The following GRIK4 variants were observed in gnomAD, a reference collection of about 807,000 sequenced individuals.
The protein encoded by GRIK4 is glutamate ionotropic receptor kainate type subunit 4.
Under a neutral mutation model 104.9 loss-of-function variants are expected in GRIK4, and 40 were observed. The observed-to-expected ratio is 0.38, with a 90% CI of 0.30 to 0.50. The LOEUF is 0.50. Ranked by LOEUF, GRIK4 falls within the 20% of genes least tolerant of loss-of-function variation. GRIK4 has a pLI of 0.93. For missense variants in GRIK4, 1,047 were observed against 1,308.1 expected (o/e 0.80, Z 3.08); for synonymous variants, 485 against 524.9 (o/e 0.92, Z 1.04).
At chr11:120,661,216 C>T (rs80251803) in intron 3 of GRIK4, among the ~76,000 whole-genome samples, 7,499 of 152,038 alleles carry the variant, frequency 0.049, 559 homozygotes, top group African/African-American at 0.16. Flanking sequence ...TGTGGGGTGT[C>T]GGGGATCAGG....
At chr11:120,924,802 C>A (rs1180488757) in intron 13 of GRIK4, among the ~76,000 whole-genome samples, 1 of 152,184 alleles carries the variant, frequency 6.6e-6, no homozygotes, top group African/African-American at 2.4e-5. Context: ...AGTGGGACAC[C>A]TCTCAGAAAA....
intron 8 of GRIK4, among the ~76,000 whole-genome samples, chr11:120,849,379 C>T (rs965895878): frequency 6.6e-6 from 1 of 152,252 alleles, no homozygotes; most frequent in African/African-American, 2.4e-5. Flanking sequence ...CCTTGACCCT[C>T]TATCACAAAG....
chr11:120,945,730 T>C (rs927079140), intron 14 of GRIK4, among the ~76,000 whole-genome samples: 1 of 152,252 alleles, frequency 6.6e-6, no homozygotes, highest in African/African-American at 2.4e-5. Context: ...TCAGGCAGCC[T>C]AGATGCAGCC....
At chr11:120,618,901 A>G (rs935583772) in intron 1 of GRIK4, among the ~76,000 whole-genome samples, 5 of 152,196 alleles carry the variant, frequency 3.3e-5, no homozygotes, top group Admixed American at 6.5e-5. Context: ...GAGAACCTCT[A>G]CGAGGGCAGC....
At chr11:120,854,691 A>C (rs1254841680) in intron 8 of GRIK4, among the ~76,000 whole-genome samples, 1 of 152,226 alleles carries the variant, frequency 6.6e-6, no homozygotes, top group Admixed American at 6.5e-5. Context: ...ATTACTTCTA[A>C]TAATACTAAT....
At chr11:120,721,750 T>G (rs970559058) in intron 3 of GRIK4, among the ~76,000 whole-genome samples, 2 of 152,152 alleles carry the variant, frequency 1.3e-5, no homozygotes, top group Non-Finnish European at 2.9e-5. Context: ...TTGGTTGGTT[T>G]GTTCTCAGAA....
intron 11 of GRIK4, chr11:120,894,750 C>G (rs896499613): frequency 1.3e-5 from 2 of 152,280 alleles, no homozygotes; most frequent in Non-Finnish European, 1.5e-5. Context: ...AGGGATTTGG[C>G]CGGAGGCAGA....
rs981703574 is a variant in GRIK4 at position 120,531,435 on chromosome 11, C to T, written c.-159+19548C>T. Among the ~76,000 whole-genome samples, 2 of 152,234 alleles carry T rather than the reference C, an allele frequency of 1.3e-5. 1 individual carries two copies. Among genetic ancestry groups the T allele is most frequent in the South Asian group, 4.1e-4 (2 of 4,826 alleles). On this transcript the variant is annotated intron_variant, in intron 1 of 20. Transcript: ENST00000527524. ...CACCAGGAGTTTCCAATGCTCTGTA[C>T]ATGTGCTCTCCAGTGCTTACACCAG...
chr11:120,513,980 G>A lies in GRIK4; in HGVS notation c.-159+2093G>A, dbSNP rs1360901526. Among the ~76,000 whole-genome samples the A allele has an allele frequency of 6.6e-6, 1 of 152,294 alleles. No individual in the cohort carries two copies. Among genetic ancestry groups the A allele is most frequent in the Middle Eastern group, 3.4e-3 (1 of 294 alleles). The stretch of plus-strand genomic sequence containing the variant: ...AGGGAACTTTAGTACCGGGAGAGAG[G>A]CAGAGACTCTAGGAGAAAGTCCCAG... On this transcript the variant is annotated intron_variant, in intron 1 of 20. Transcript: ENST00000527524. This position sits in a 1 kb window ranked among gnomAD's most constrained non-coding sequence, Gnocchi z 4.5.
At chr11:120,916,529 G>C (rs892890213) in intron 13 of GRIK4, among the ~76,000 whole-genome samples, 3 of 152,182 alleles carry the variant, frequency 2.0e-5, no homozygotes, top group Non-Finnish European at 2.9e-5. Context: ...ACACGGTGAA[G>C]TGGTAACATA....
chr11:120,986,290 G>T lies in GRIK4; in HGVS notation c.*30G>T, dbSNP rs1234062023. ...GGAGGCCACAGGACGCGCAGAGGCC[G>T]GGCGGGGCGGGAGGGGAGGGGCGGG... On this transcript the variant is annotated 3_prime_UTR_variant, in exon 21 of 21. Coordinates refer to ENST00000527524, the MANE Select transcript of GRIK4 (RefSeq NM_014619.5). The T allele has an allele frequency of 9.7e-7, 1 of 1,035,550 alleles. No individual in the cohort carries two copies. The highest frequency in any genetic ancestry group is 1.3e-6 in the Non-Finnish European group (1 of 750,832). The allele number at this position is 1,035,550 out of a possible 1,614,324, so 64.1% of individuals were successfully genotyped here.
chr11:120,673,565 C>T (rs1950054449), intron 3 of GRIK4, among the ~76,000 whole-genome samples: 1 of 152,198 alleles, frequency 6.6e-6, no homozygotes, highest in Non-Finnish European at 1.5e-5. Flanking sequence ...TACCTTGTCC[C>T]TCAGATCCAA....
At position 120,863,808 on chromosome 11, in the gene GRIK4, C is replaced by A. The variant is rs947679136; in HGVS notation, c.906+1688C>A. Among the ~76,000 whole-genome samples the A allele has an allele frequency of 3.3e-5, 5 of 152,194 alleles. No homozygotes were observed. In the East Asian group the frequency reaches 9.6e-4, roughly 29 times the overall value. ...GGAAGCCAGGGCCTGGACTTAATGA[C>A]CTTTCACAAAACTCTGTGCTTTTAT... On this transcript the variant is annotated intron_variant, in intron 9 of 20. Coordinates refer to ENST00000527524, the MANE Select transcript of GRIK4 (RefSeq NM_014619.5).
At chr11:120,760,153 AT>A (rs1951721902) in intron 3 of GRIK4, among the ~76,000 whole-genome samples, 2 of 151,684 alleles carry the variant, frequency 1.3e-5, no homozygotes, top group African/African-American at 4.8e-5. Flanking sequence ...TCTCCCCCTT[AT>A]CCCCACCTGT....
chr11:120,660,646 G>A (rs1257564579), intron 3 of GRIK4, among the ~76,000 whole-genome samples: 4 of 152,232 alleles, frequency 2.6e-5, no homozygotes, highest in African/African-American at 9.6e-5. Context: ...CCCTAGTGCA[G>A]TCAATGTAGG....
chr11:120,614,091 C>T (rs1420010380), intron 1 of GRIK4, among the ~76,000 whole-genome samples: 3 of 152,172 alleles, frequency 2.0e-5, no homozygotes, highest in Non-Finnish European at 4.4e-5. Flanking sequence ...CTTCTGTGAA[C>T]CTTCCCTGCA....
At chr11:120,633,342 G>A (rs762378761) in intron 1 of GRIK4, among the ~76,000 whole-genome samples, 3 of 152,196 alleles carry the variant, frequency 2.0e-5, no homozygotes, top group Admixed American at 1.3e-4. Context: ...AGGCCTTCTC[G>A]ATGGGGAGCG....
At chr11:120,908,213 GAGCCAGCATTTA>G (rs1473605593) in intron 13 of GRIK4, among the ~76,000 whole-genome samples, 1 of 152,176 alleles carries the variant, frequency 6.6e-6, no homozygotes, top group Non-Finnish European at 1.5e-5. Context: ...AGTAAGTTCA[GAGCCAGCATTTA>G]AGCCCTGGTC....
chr11:120,909,307 T>G (rs2134522115), intron 13 of GRIK4, among the ~76,000 whole-genome samples: 1 of 152,354 alleles, frequency 6.6e-6, no homozygotes, highest in Middle Eastern at 3.4e-3. Context: ...AGTGATTATC[T>G]TAGGGACACC....
Sources: gnomAD v4.1 joint callset for allele counts (sites outside exome capture counted in the v4.1 genomes callset) on GRCh38, gnomAD v4.1.1 for gene constraint, Gnocchi (gnomAD v3.1) non-coding constraint, MANE v1.5 for transcripts, NCBI Gene and HGNC (gene_info 2026-07-23, HGNC 2026-07-21) for gene names.